The following CCDC110 variants were observed in gnomAD, a reference collection of about 807,000 sequenced individuals.
CCDC110 encodes the protein coiled-coil domain containing 110.
CCDC110 carries 70 observed loss-of-function variants against 77.1 expected under a neutral mutation model. The observed-to-expected ratio is 0.91, with a 90% confidence interval of 0.75 to 1.11. CCDC110 has a LOEUF of 1.11. CCDC110 is among the 50% of genes least tolerant of loss of function. The probability of loss-of-function intolerance (pLI) is 0.00; values close to 1 mark genes in which losing one functional copy is unlikely to be tolerated. For missense variants in CCDC110, 868 were observed against 942.9 expected (o/e 0.92, Z 1.04); for synonymous variants, 295 against 312.5 (o/e 0.94, Z 0.59).
Position 185,459,481 on chromosome 4 carries a change from G to C in CCDC110, c.1106C>G (p.Thr369Arg). 6.2e-7 allele frequency: 1 copy of C among 1,613,594 alleles called. No individual in the cohort carries two copies. The highest frequency in any genetic ancestry group is 2.2e-5 in the East Asian group (1 of 44,810). Residue 369 changes from threonine (T) to arginine (R), a missense_variant, in exon 6 of 7, where the codon ACA becomes AGA. Coordinates refer to ENST00000307588, the MANE Select transcript of CCDC110 (RefSeq NM_152775.4). ...AACTCTGGAATGGAATTTTAAATCT[G>C]TAATATTTTTGCCAGTGATGGGAAT... ...KEIPITGKNI[T>R]DLKFHSRVPR...
chr4:185,458,522 T>C lies in CCDC110; in HGVS notation c.2065A>G (p.Ile689Val). ...EIKNAKSEAS[I>V]YKNSLSEIGK... ...ATTTCTGACAAGCTATTCTTATAAA[T>C]ACTTGCTTCTGATTTTGCATTTTTT... Residue 689 changes from isoleucine (I) to valine (V), a missense_variant, in exon 6 of 7, where the codon ATT (isoleucine) becomes GTT (valine). Ile to Val is a conservative substitution (Grantham distance 29). Transcript: ENST00000307588. The C allele has an allele frequency of 6.2e-7, 1 of 1,608,908 alleles. No homozygotes were observed. The highest frequency in any genetic ancestry group is 8.5e-7 in the Non-Finnish European group (1 of 1,179,100).
intron 6 of CCDC110, among the ~76,000 whole-genome samples, chr4:185,456,252 T>C (rs1450004566): frequency 6.6e-6 from 1 of 152,202 alleles, no homozygotes; most frequent in African/African-American, 2.4e-5. Context: ...TTCCAATCCA[T>C]TGGGTCAAAG....
chr4:185,453,379 T>A (rs1380415784), intron 6 of CCDC110, among the ~76,000 whole-genome samples: 1 of 152,204 alleles, frequency 6.6e-6, no homozygotes, highest in African/African-American at 2.4e-5. Flanking sequence ...TACATAACAC[T>A]TATATAATGC....
intron 2 of CCDC110, chr4:185,470,732 C>G (rs1054151799): frequency 1.6e-6 from 1 of 639,858 alleles, no homozygotes; most frequent in Non-Finnish European, 2.9e-6. Context: ...AAATGGGGAT[C>G]GTGGTAGCAC....
intron 5 of CCDC110, among the ~76,000 whole-genome samples, chr4:185,460,693 C>T (rs999324344): frequency 3.9e-5 from 6 of 152,140 alleles, no homozygotes; most frequent in Non-Finnish European, 8.8e-5. Context: ...AGTGTGGACA[C>T]AGTGATGGTA....
In CCDC110 at chr4:185,459,230, G is replaced by A. The variant is rs1357522101; in HGVS notation, c.1357C>T (p.Leu453=). ...GGTTTCATTTTGGACTTAAGGTTTAGATTTTCACTCTCCAGTTCCATTACT... is the reference window on the plus strand; with the variant it reads ...GGTTTCATTTTGGACTTAAGGTTTAAATTTTCACTCTCCAGTTCCATTACT... ...KKVMELESEN[L]NLKSKMKPLI... is the part of the protein sequence containing the mutation. The change falls in exon 6 of 7, where the codon CTA becomes TTA. Residue 453 remains leucine (L), a synonymous_variant. Transcript: ENST00000307588. The A allele has an allele frequency of 6.2e-7, 1 of 1,607,128 alleles. No homozygotes were observed. Among genetic ancestry groups the A allele is most frequent in the African/African-American group, 1.3e-5 (1 of 74,424 alleles).
At chr4:185,471,645 CT>C in intron 1 of CCDC110, 28 bp downstream of exon 1, 1 of 1,555,402 alleles carries the variant, frequency 6.4e-7, no homozygotes, top group East Asian at 2.6e-5. Context: ...CGCGGCTCCC[CT>C]AGGAGCCCCG....
chr4:185,453,158 A>G (rs2095631481), intron 6 of CCDC110, among the ~76,000 whole-genome samples: 1 of 152,342 alleles, frequency 6.6e-6, no homozygotes, highest in South Asian at 2.1e-4. Flanking sequence ...ACCAGGACCC[A>G]GGAGTTTGAG....
Position 185,459,391 on chromosome 4 carries a change from G to A in CCDC110, c.1196C>T (p.Pro399Leu). 1 of 1,611,648 alleles carries A rather than the reference G, an allele frequency of 6.2e-7. No individual in the cohort carries two copies. Among genetic ancestry groups the A allele is most frequent in the Non-Finnish European group, 8.5e-7 (1 of 1,178,754 alleles). The part of the protein sequence containing the change: ...KHEMKDKERQ[P>L]FLVKQGSIIS... ...TATTGATCCTTGTTTTACTAGAAAT[G>A]GTTGTCTTTCTTTGTCTTTCATTTC... The change falls in exon 6 of 7, where the codon CCA (proline) becomes CTA (leucine). Residue 399 changes from proline (P) to leucine (L), a missense_variant. By Grantham distance (98) the Pro-to-Leu change is moderately conservative. Transcript: ENST00000307588.
rs2095643489 is a variant in CCDC110 at position 185,460,152 on chromosome 4, T to C, written c.435A>G (p.Lys145=). The change falls in exon 6 of 7, where the codon AAA becomes AAG. Residue 145 remains lysine (K), a synonymous_variant. Transcript: ENST00000307588. ...DSKTLHSVEE[K]LSGDSVNSLP... is the part of the protein sequence containing the mutation. Reference sequence around the variant, plus strand: ...GACTGTTCACACTATCACCACTTAATTTTTCTTCCACTGAATGAAGTGTCT... The same window carrying C: ...GACTGTTCACACTATCACCACTTAACTTTTCTTCCACTGAATGAAGTGTCT... 6.2e-7 allele frequency: 1 copy of C among 1,613,006 alleles called. No individual in the cohort carries two copies. Among genetic ancestry groups the C allele is most frequent in the African/African-American group, 1.3e-5 (1 of 74,920 alleles).
chr4:185,455,154 T>A (rs2095634239), intron 6 of CCDC110, among the ~76,000 whole-genome samples: 2 of 152,194 alleles, frequency 1.3e-5, no homozygotes, highest in African/African-American at 4.8e-5. Context: ...ACCTAACTTT[T>A]TAGTTATATT....
intron 6 of CCDC110, among the ~76,000 whole-genome samples, chr4:185,449,165 G>A (rs2095623839): frequency 6.6e-6 from 1 of 152,018 alleles, no homozygotes; most frequent in Non-Finnish European, 1.5e-5. Context: ...TTTTGATTTT[G>A]GATTGTTAAT....
At position 185,461,100 on chromosome 4, in the gene CCDC110, T is replaced by C; in HGVS notation, c.297A>G (p.Gln99=). 1 of 1,601,996 alleles carries C rather than the reference T, an allele frequency of 6.2e-7. No individual in the cohort carries two copies. Residue 99 remains glutamine, a synonymous_variant, in exon 5 of 7, where the codon CAA becomes CAG. Transcript: ENST00000307588. ...ACACCAGATTTTTTTCTGAGCTAAA[T>C]TGTGGGTTTTCTACTTCAATAATAC... ...NKSIIEVENP[Q]FSSEKNLVFG...
chr4:185,466,242 GCAT>G (rs2095655671), intron 2 of CCDC110, among the ~76,000 whole-genome samples: 1 of 152,088 alleles, frequency 6.6e-6, no homozygotes, highest in Non-Finnish European at 1.5e-5. Context: ...GGGTGTGGTG[GCAT>G]GTGCCTGTAA....
intron 6 of CCDC110, chr4:185,457,828 AAAAG>A: frequency 7.2e-7 from 1 of 1,386,604 alleles, no homozygotes; most frequent in East Asian, 2.6e-5. Context: ...AGGGAAAAAA[AAAAG>A]AATTCTTTTA....
chr4:185,463,831 T>C (rs531701491), intron 2 of CCDC110, among the ~76,000 whole-genome samples: 1 of 152,340 alleles, frequency 6.6e-6, no homozygotes, highest in Non-Finnish European at 1.5e-5. Context: ...CTACTGAGGC[T>C]GATCTTGCTC....
chr4:185,462,756 C>T (rs765965353), intron 3 of CCDC110, 48 bp from the exon 4 acceptor site: 15 of 1,462,216 alleles, frequency 1.0e-5, no homozygotes, highest in South Asian at 1.0e-4. Context: ...GGTAGGTAAA[C>T]GTATTCTTGA....
chr4:185,455,547 G>A (rs2095634756), intron 6 of CCDC110, among the ~76,000 whole-genome samples: 1 of 152,152 alleles, frequency 6.6e-6, no homozygotes, highest in Non-Finnish European at 1.5e-5. Flanking sequence ...AAAGGTATCA[G>A]TTTACCAACT....
At chr4:185,462,853 G>T in intron 3 of CCDC110, 141 bp downstream of exon 3, 1 of 1,014,112 alleles carries the variant, frequency 9.9e-7, no homozygotes, top group Non-Finnish European at 1.5e-6. Context: ...TAGGCATTTT[G>T]CTAACTCCCC....
Sources: gnomAD v4.1 joint callset for allele counts (sites outside exome capture counted in the v4.1 genomes callset) on GRCh38, gnomAD v4.1.1 for gene constraint, MANE v1.5 for transcripts, NCBI Gene and HGNC (gene_info 2026-07-23, HGNC 2026-07-21) for gene names.